Variants in MYBPC2 observed in about 807,000 individuals in gnomAD.
The protein encoded by MYBPC2 is myosin-binding protein C, fast-type.
MYBPC2 carries 122 observed loss-of-function variants against 137.0 expected under a neutral mutation model. The observed-to-expected ratio is 0.89, with a 90% CI of 0.77 to 1.03. The LOEUF (loss-of-function observed/expected upper bound fraction) is 1.03. Among genes scored for constraint, MYBPC2 ranks in the 50% least tolerant of loss-of-function variants. The pLI, the probability that MYBPC2 is intolerant of heterozygous loss-of-function variation, is 0.00. For synonymous variants in MYBPC2, 626 were observed against 612.3 expected, an observed-to-expected ratio of 1.02 and a Z score of -0.33; for missense variants, 1,500 against 1,534.4, an observed-to-expected ratio of 0.98 and a Z score of 0.37.
In MYBPC2 at chr19:50,434,574, C is replaced by T. The variant is rs111354370; in HGVS notation, c.20-587C>T. Among the ~76,000 whole-genome samples, 686 of 152,188 alleles carry T rather than the reference C, an allele frequency of 4.5e-3. 4 individuals are homozygous for T. Among genetic ancestry groups the T allele is most frequent in the Non-Finnish European group, 7.3e-3 (493 of 67,984 alleles). On this transcript the variant is annotated intron_variant, in intron 1 of 27. Transcript: ENST00000357701. ...CATGCAGGGAATGGGGTCCTTTTTG[C>T]GGGGTTTGGGGACCTTCTTTGAATG...
chr19:50,452,500 GTATGTATGTATCTATC>G (rs2039869827), intron 16 of MYBPC2, among the ~76,000 whole-genome samples: 1 of 93,500 alleles, frequency 1.1e-5, no homozygotes, highest in African/African-American at 4.2e-5. Flanking sequence ...ATGTATGTAT[GTATGTATGTATCTATC>G]TATCTATCTA....
rs550840002 is a variant in MYBPC2, at chr19:50,440,173, G to T, written c.573-707G>T. On this transcript the variant is annotated intron_variant, in intron 7 of 27. Coordinates refer to ENST00000357701, the MANE Select transcript of MYBPC2 (RefSeq NM_004533.4). ...ATGAAAGGGAGAACCACTGATGTGG[G>T]TGTCAGAAATACCCCACAGGATAAA... 8.5e-5 allele frequency among the ~76,000 whole-genome samples: 13 copies of T among 152,050 alleles called. No individual in the cohort carries two copies. In the East Asian group the frequency reaches 2.3e-3, roughly 27 times the overall value.
chr19:50,446,101 A>C, intron 12 of MYBPC2, 49 bp downstream of exon 12: 2 of 1,576,456 alleles, frequency 1.3e-6, no homozygotes, highest in Non-Finnish European at 1.7e-6. Context: ...ATGCTTCTCC[A>C]CACAGCTTGA....
chr19:50,464,345 G>C lies in MYBPC2; in HGVS notation c.3229-1G>C, dbSNP rs752979121. ...GCCTCCTCTCCCTTGACTCTCAACAGCCGAAGGTGGTCTGGATGAAGAACA... is the reference window on the plus strand; with the variant it reads ...GCCTCCTCTCCCTTGACTCTCAACACCCGAAGGTGGTCTGGATGAAGAACA... On this transcript the variant is annotated splice_acceptor_variant, in intron 26 of 27. Transcript: ENST00000357701. LOFTEE classifies it high-confidence loss of function. The C allele has an allele frequency of 2.5e-5, 40 of 1,602,338 alleles. No homozygotes were observed. Among genetic ancestry groups the C allele is most frequent in the Non-Finnish European group, 8.5e-6 (10 of 1,174,858 alleles).
chr19:50,448,135 A>G (rs111495030), intron 12 of MYBPC2, 90 bp from the exon 13 acceptor site: 31 of 1,452,360 alleles, frequency 2.1e-5, no homozygotes, highest in African/African-American at 1.7e-4. Flanking sequence ...CCCAGTGCCT[A>G]GACCAGCGCC....
intron 7 of MYBPC2, among the ~76,000 whole-genome samples, chr19:50,438,322 A>T (rs2122579993): frequency 6.6e-6 from 1 of 152,208 alleles, no homozygotes; most frequent in South Asian, 2.1e-4. Flanking sequence ...TGGTTGGGAG[A>T]TGCAGGTGCA....
rs1343148981 is a variant in MYBPC2, at chr19:50,461,704, A to G, written c.3091+3A>G. 1.8e-5 allele frequency: 29 copies of G among 1,612,310 alleles called. No individual in the cohort carries two copies. The highest frequency in any genetic ancestry group is 2.7e-5 in the African/African-American group (2 of 74,468). On this transcript the variant is annotated splice_donor_region_variant and intron_variant, in intron 25 of 27. Transcript: ENST00000357701. ...CACGGCCCGCATCCTCAAGACAGGT[A>G]CAGCCATCCTGCCCCACAGCCCAGG...
At chr19:50,453,018 G>T (rs541464976) in intron 16 of MYBPC2, among the ~76,000 whole-genome samples, 1 of 152,096 alleles carries the variant, frequency 6.6e-6, no homozygotes, top group Non-Finnish European at 1.5e-5. Flanking sequence ...CTCACTCAGC[G>T]TACATCCCCT....
At chr19:50,457,615 G>T (rs1390024928) in intron 20 of MYBPC2, among the ~76,000 whole-genome samples, 1 of 151,878 alleles carries the variant, frequency 6.6e-6, no homozygotes, top group African/African-American at 2.4e-5. Flanking sequence ...GGGCTTGAGA[G>T]ATCCTCCTGC....
chr19:50,456,236 TCCATCCATCC>T (rs2122609397), intron 20 of MYBPC2, among the ~76,000 whole-genome samples: 1 of 97,894 alleles, frequency 1.0e-5, no homozygotes, highest in South Asian at 4.3e-4. Flanking sequence ...TATTCATCCA[TCCATCCATCC>T]ATCCATCCAT....
At chr19:50,454,466 C>G (rs1419771148) in intron 18 of MYBPC2, 97 bp downstream of exon 18, 12 of 1,105,458 alleles carry the variant, frequency 1.1e-5, no homozygotes, top group Non-Finnish European at 1.4e-5. Context: ...CACTCTATCG[C>G]CCAGGCTGGA....
At chr19:50,464,279 C>A (rs918436940) in intron 26 of MYBPC2, 67 bp from the exon 27 acceptor site, 41 of 1,433,214 alleles carry the variant, frequency 2.9e-5, no homozygotes, top group Admixed American at 8.9e-5. Flanking sequence ...GCTTCCTGAG[C>A]CCCATTTTGT....
intron 9 of MYBPC2, among the ~76,000 whole-genome samples, chr19:50,442,608 C>T (rs758932979): frequency 6.0e-4 from 91 of 151,632 alleles, no homozygotes; most frequent in Non-Finnish European, 1.0e-3. Flanking sequence ...GCCTGTAATC[C>T]CAGCTACTTG....
chr19:50,433,293 G>T (rs1200322334), intron 1 of MYBPC2, among the ~76,000 whole-genome samples: 57 of 152,114 alleles, frequency 3.7e-4, no homozygotes, highest in Admixed American at 3.7e-3. Flanking sequence ...TGATTGGGGG[G>T]GCATCTCTGG....
At chr19:50,441,154 T>G in intron 8 of MYBPC2, 78 bp downstream of exon 8, 2 of 1,400,334 alleles carry the variant, frequency 1.4e-6, no homozygotes, top group Non-Finnish European at 1.9e-6. Context: ...GATTGGACCC[T>G]GGACCTATCT....
intron 7 of MYBPC2, 53 bp from the exon 8 acceptor site, chr19:50,440,827 C>A: frequency 6.5e-7 from 1 of 1,535,906 alleles, no homozygotes; most frequent in Non-Finnish European, 8.8e-7. Flanking sequence ...GGCAGAGGGA[C>A]ATCCTCCCTT....
At chr19:50,447,577 G>A (rs1363531929) in intron 12 of MYBPC2, among the ~76,000 whole-genome samples, 5 of 152,082 alleles carry the variant, frequency 3.3e-5, no homozygotes, top group African/African-American at 1.2e-4. Context: ...AAAACATCAG[G>A]CCGGGCTTAG....
chr19:50,454,027 C>T lies in MYBPC2; in HGVS notation c.1757C>T (p.Thr586Met), dbSNP rs539054221. 3.9e-5 allele frequency: 63 copies of T among 1,598,140 alleles called. No homozygotes were observed. The African/African-American group carries it at 5.9e-4, about 15-fold the overall frequency. The change falls in exon 17 of 28, where the codon ACG becomes ATG. Residue 586 changes from threonine (T) to methionine (M), a missense_variant. Physicochemically the swap from Thr to Met is moderately conservative, Grantham distance 81 (BLOSUM62 -1). Transcript: ENST00000357701. ...TCTGGTGGCTGCGTTCAGGTATTCA[C>T]GACCACCGAGGGCAGGACCCGCATC... is the stretch of plus-strand genomic sequence containing the variant. ...ATWLKGDEVF[T>M]TTEGRTRIEK...
At chr19:50,450,557 C>T (rs2039846438) in intron 13 of MYBPC2, among the ~76,000 whole-genome samples, 1 of 152,208 alleles carries the variant, frequency 6.6e-6, no homozygotes, top group African/African-American at 2.4e-5. Context: ...ATGTGAGCCA[C>T]TGCACCTTTC....
Sources: gnomAD v4.1 joint callset for allele counts (sites outside exome capture counted in the v4.1 genomes callset) on GRCh38, gnomAD v4.1.1 for gene constraint, MANE v1.5 for transcripts, NCBI Gene and HGNC (gene_info 2026-07-23, HGNC 2026-07-21) for gene names.